KCNH1: variants seen among roughly 807,000 people sequenced by gnomAD.
KCNH1 encodes the protein potassium voltage-gated channel subfamily H member 1, also known as voltage-gated delayed rectifier potassium channel KCNH1.
In KCNH1, 27 loss-of-function variants were observed where a neutral mutation model predicts 69.2. The observed-to-expected ratio is 0.39, with a 90% CI of 0.29 to 0.54. The LOEUF is 0.54. Among genes scored for constraint, KCNH1 ranks in the 20% least tolerant of loss-of-function variants. The probability of loss-of-function intolerance (pLI) is 0.68; values close to 1 mark genes in which losing one functional copy is unlikely to be tolerated. For missense variants in KCNH1, 798 were observed against 1,261.6 expected (o/e 0.63, Z 5.57); for synonymous variants, 456 against 487.7 (o/e 0.93, Z 0.86).
At chr1:211,052,284 C>T (rs1690221281) in intron 5 of KCNH1, among the ~76,000 whole-genome samples, 1 of 152,244 alleles carries the variant, frequency 6.6e-6, no homozygotes. Context: ...GAAGGCCATG[C>T]ACTGGTTCGG....
chr1:210,933,383 G>A (rs1687715087), intron 6 of KCNH1, among the ~76,000 whole-genome samples: 1 of 152,064 alleles, frequency 6.6e-6, no homozygotes, highest in African/African-American at 2.4e-5. Context: ...GGAGCGGGGA[G>A]GGATAGCTTT....
At chr1:211,118,354 T>A (rs184331192) in intron 1 of KCNH1, among the ~76,000 whole-genome samples, 192 of 152,342 alleles carry the variant, frequency 1.3e-3, no homozygotes, top group Non-Finnish European at 2.4e-3. Context: ...AAGTCCTTCC[T>A]ACATTGTTCA....
At chr1:211,020,558 A>C (rs189576492) in intron 5 of KCNH1, among the ~76,000 whole-genome samples, 244 of 152,254 alleles carry the variant, frequency 1.6e-3, no homozygotes, top group Admixed American at 3.2e-3. Flanking sequence ...ATTTTACCAA[A>C]GTTTTAAAGA....
chr1:210,684,058 C>T lies in KCNH1; in HGVS notation c.2193G>A (p.Leu731=), dbSNP rs1185891305. Residue 731 remains leucine, a synonymous_variant, in exon 11 of 11, where the codon TTG becomes TTA. Transcript: ENST00000271751. ...MKRKNEAPLI[L]PPDHPVRRLF... ...GGCGCCGGACAGGGTGGTCCGGGGGCAAGATCAGGGGGGCCTCATTCTTTC... is the reference window on the plus strand; with the variant it reads ...GGCGCCGGACAGGGTGGTCCGGGGGTAAGATCAGGGGGGCCTCATTCTTTC... 6.5e-7 allele frequency: 1 copy of T among 1,539,916 alleles called. No individual in the cohort carries two copies. Among genetic ancestry groups the T allele is most frequent in the Non-Finnish European group, 8.8e-7 (1 of 1,142,146 alleles).
chr1:210,767,797 C>T (rs575690299), intron 10 of KCNH1, among the ~76,000 whole-genome samples: 1 of 152,210 alleles, frequency 6.6e-6, no homozygotes, highest in South Asian at 2.1e-4. Flanking sequence ...TAGCCTTATA[C>T]TCTTCTAAGC....
intron 4 of KCNH1, 39 bp downstream of exon 4, chr1:211,090,523 A>G (rs1691034293): frequency 1.9e-6 from 3 of 1,555,036 alleles, no homozygotes; most frequent in Middle Eastern, 1.8e-4. Context: ...TAAAGACAAA[A>G]AAGGCATAAA....
At chr1:210,696,003 G>C (rs996872812) in intron 10 of KCNH1, among the ~76,000 whole-genome samples, 2 of 152,228 alleles carry the variant, frequency 1.3e-5, no homozygotes. Flanking sequence ...TCCAGCAGCA[G>C]TGGTCAGCTT....
intron 10 of KCNH1, among the ~76,000 whole-genome samples, chr1:210,712,115 G>C (rs1016406542): frequency 4.6e-5 from 7 of 152,116 alleles, no homozygotes; most frequent in Non-Finnish European, 8.8e-5. Context: ...GTCTAGCAAA[G>C]AACATAGATG....
intron 6 of KCNH1, among the ~76,000 whole-genome samples, chr1:211,015,053 T>C (rs942723001): frequency 4.6e-5 from 7 of 152,174 alleles, no homozygotes; most frequent in African/African-American, 1.4e-4. Flanking sequence ...TGGTGTCATT[T>C]CACTAAAGGA....
intron 6 of KCNH1, among the ~76,000 whole-genome samples, chr1:210,979,637 A>T (rs968354827): frequency 6.6e-6 from 1 of 151,860 alleles, no homozygotes. Flanking sequence ...TATTTTTCTC[A>T]TGTCATTTTT....
intron 7 of KCNH1, among the ~76,000 whole-genome samples, chr1:210,912,955 C>A (rs1464003906): frequency 6.6e-6 from 1 of 152,156 alleles, no homozygotes; most frequent in Non-Finnish European, 1.5e-5. Flanking sequence ...AGAATGTTCA[C>A]AGAGCAGTAT....
intron 5 of KCNH1, among the ~76,000 whole-genome samples, chr1:211,060,095 C>T (rs1690404068): frequency 6.6e-6 from 1 of 151,950 alleles, no homozygotes; most frequent in South Asian, 2.1e-4. Flanking sequence ...GGAAACTATA[C>T]AAACACATGG....
intron 10 of KCNH1, among the ~76,000 whole-genome samples, chr1:210,756,813 A>C (rs1463453510): frequency 6.6e-6 from 1 of 152,206 alleles, no homozygotes; most frequent in African/African-American, 2.4e-5. Context: ...CTACCCTGAA[A>C]GTCTGAGACG....
intron 9 of KCNH1, among the ~76,000 whole-genome samples, chr1:210,782,499 G>T (rs1381101715): frequency 6.6e-6 from 1 of 152,160 alleles, no homozygotes; most frequent in Non-Finnish European, 1.5e-5. Flanking sequence ...GCCGAGGTGG[G>T]CAGAGCACTT....
intron 7 of KCNH1, among the ~76,000 whole-genome samples, chr1:210,916,276 G>A (rs751334344): frequency 4.6e-5 from 7 of 152,150 alleles, no homozygotes; most frequent in African/African-American, 1.4e-4. Context: ...AATTACCAAC[G>A]CATTACGCCA....
At chr1:210,815,219 G>T (rs1684788918) in intron 7 of KCNH1, among the ~76,000 whole-genome samples, 1 of 152,164 alleles carries the variant, frequency 6.6e-6, no homozygotes, top group South Asian at 2.1e-4. Flanking sequence ...AGAAACACTG[G>T]TTTATGCTAT....
chr1:211,085,139 A>G (rs1690930087), intron 4 of KCNH1, among the ~76,000 whole-genome samples: 1 of 152,208 alleles, frequency 6.6e-6, no homozygotes, highest in Non-Finnish European at 1.5e-5. Flanking sequence ...AAGGAAAGAA[A>G]GATATCCCAC....
At chr1:211,107,475 T>C in intron 1 of KCNH1, 98 bp from the exon 2 acceptor site, 1 of 1,197,876 alleles carries the variant, frequency 8.3e-7, no homozygotes, top group Non-Finnish European at 1.2e-6. Flanking sequence ...TCCAGATATT[T>C]CTGATTCCCT....
rs759458677 is a variant in KCNH1, at chr1:210,683,988, C to A, written c.2263G>T (p.Glu755Ter). Residue 755 changes from glutamate (E) to a stop codon, truncating the protein, a stop_gained, in exon 11 of 11, where the codon GAG (glutamate) becomes TAG (stop). Coordinates refer to ENST00000271751, the MANE Select transcript of KCNH1 (RefSeq NM_172362.3). LOFTEE classifies it low-confidence loss of function (END_TRUNC). This position sits in a 1 kb window ranked among gnomAD's most constrained non-coding sequence, Gnocchi z 5.7. ...TCATCCAGGTCCCGGCCCCCTCTCT[C>A]AGCTGCCAGCCTGGCCTCTTTCTGC... The part of the protein sequence containing the change: ...RQQKEARLAA[E>*]RGGRDLDDLD... The A allele has an allele frequency of 6.3e-7, 1 of 1,599,402 alleles. No individual in the cohort carries two copies. Among genetic ancestry groups the A allele is most frequent in the Non-Finnish European group, 8.6e-7 (1 of 1,169,032 alleles).
Sources: allele counts gnomAD v4.1 joint callset (sites outside exome capture counted in the v4.1 genomes callset), GRCh38; gene constraint gnomAD v4.1.1; non-coding constraint Gnocchi (gnomAD v3.1); transcripts MANE v1.5; gene names NCBI Gene and HGNC (gene_info 2026-07-23, HGNC 2026-07-21).